Variants in RGS9 observed in about 807,000 individuals in gnomAD.
RGS9 encodes the protein regulator of G protein signaling 9.
RGS9 carries 78 observed loss-of-function variants against 102.0 expected under a neutral mutation model. That is an observed-to-expected ratio of 0.76 (90% CI 0.64 to 0.92). The LOEUF is 0.92. RGS9 is among the 40% of genes least tolerant of loss of function. The pLI, the probability that RGS9 is intolerant of heterozygous loss-of-function variation, is 0.00. For missense variants in RGS9, 833 were observed against 866.1 expected (o/e 0.96, Z 0.48); for synonymous variants, 353 against 318.6 (o/e 1.11, Z -1.15).
rs779028698 is a variant in RGS9 at position 65,225,448 on chromosome 17, C to A, written c.1854C>A (p.Gly618=). The A allele has an allele frequency of 1.9e-6, 3 of 1,606,160 alleles. No homozygotes were observed. The Admixed American group carries it at 5.0e-5, about 27-fold the overall frequency. The change falls in exon 18 of 19, where the codon GGC becomes GGA. Residue 618 remains glycine, a synonymous_variant. Transcript: ENST00000262406. The stretch of plus-strand genomic sequence containing the variant: ...GGGTGCAGCCCCTGGGGGACGTGGG[C>A]CAGCAGCTGCCACGATTGAAATCCA... The part of the protein sequence containing the change: ...HGRVQPLGDV[G]QQLPRLKSKR...
At chr17:65,169,932 C>T (rs1286562153) in intron 8 of RGS9, among the ~76,000 whole-genome samples, 1 of 152,084 alleles carries the variant, frequency 6.6e-6, no homozygotes, top group Non-Finnish European at 1.5e-5. Flanking sequence ...ACTTTCTCCA[C>T]CACCTCCACC....
chr17:65,197,424 A>G (rs1210649781), intron 13 of RGS9, among the ~76,000 whole-genome samples, 183 bp downstream of exon 13: 1 of 152,062 alleles, frequency 6.6e-6, no homozygotes, highest in Non-Finnish European at 1.5e-5. Context: ...CGTTCTTTCC[A>G]TAGACTCAAA....
chr17:65,175,105 CA>C (rs1598586590), intron 8 of RGS9, among the ~76,000 whole-genome samples: 1 of 147,150 alleles, frequency 6.8e-6, no homozygotes, highest in African/African-American at 2.6e-5. Context: ...GTGTGTGTGT[CA>C]GGACATGTGT....
rs1034130225 is a variant in RGS9, at chr17:65,137,435, C to G, written c.-106C>G. On this transcript the variant is annotated 5_prime_UTR_variant, in exon 1 of 19. Coordinates refer to ENST00000262406, the MANE Select transcript of RGS9 (RefSeq NM_003835.4). ...CGCCCTCCCCGCCCAGCCGCCTCCC[C>G]GTCGACGCCCAGGGCTGGGGCGAGC... 10 of 1,167,038 alleles carry G rather than the reference C, an allele frequency of 8.6e-6. No individual in the cohort carries two copies. In the Admixed American group the frequency reaches 1.0e-4, roughly 12 times the overall value. 72.3% of individuals were successfully genotyped at this position (1,167,038 alleles called of 1,614,324 possible). A position where few individuals can be genotyped will look rare whatever the true frequency, so the allele number is the denominator to read the frequency against.
intron 15 of RGS9, 101 bp downstream of exon 15, chr17:65,204,402 GA>G (rs1445002335): frequency 3.5e-6 from 5 of 1,411,600 alleles, no homozygotes; most frequent in Non-Finnish European, 4.9e-6. Flanking sequence ...AGGATACGTG[GA>G]TAGAGCTTTG....
intron 15 of RGS9, among the ~76,000 whole-genome samples, chr17:65,207,130 T>C (rs1040613180): frequency 1.3e-5 from 2 of 152,156 alleles, no homozygotes; most frequent in Admixed American, 1.3e-4. Flanking sequence ...GCGTTGGTTG[T>C]TTTTGTTTTT....
chr17:65,149,285 C>G (rs745783789), intron 1 of RGS9, among the ~76,000 whole-genome samples: 62 of 152,148 alleles, frequency 4.1e-4, no homozygotes, highest in Non-Finnish European at 6.3e-4. Context: ...GATGCTATTG[C>G]AAGTTCTATT....
chr17:65,160,277 T>C lies in RGS9; in HGVS notation c.250T>C (p.Tyr84His), dbSNP rs750192414. The change falls in exon 4 of 19, where the codon TAC (tyrosine) becomes CAC (histidine). Residue 84 changes from tyrosine (Y) to histidine (H), a missense_variant. Tyr to His is a moderately conservative substitution (Grantham distance 83). This residue lies in a region of RGS9 where 328 missense variants were observed against 340.6 expected (regional missense o/e 0.96). Transcript: ENST00000262406. ...GNFIVRYGYI[Y>H]PLQDPKNLIL... ...CTTTATTGTCAGGTATGGCTACATT[T>C]ACCCCCTGCAAGACCCCAAGAATCT... The C allele has an allele frequency of 1.2e-6, 2 of 1,614,108 alleles. No homozygotes were observed. Among genetic ancestry groups the C allele is most frequent in the East Asian group, 4.5e-5 (2 of 44,900 alleles).
rs559643320 is a variant in RGS9, at chr17:65,189,614, C to T, written c.684+299C>T. On this transcript the variant is annotated intron_variant, in intron 10 of 18. Coordinates refer to ENST00000262406, the MANE Select transcript of RGS9 (RefSeq NM_003835.4). ...GGCTGCAGAGACTCTACATCCCCAA[C>T]GTGGCCCCTGCACCTATCATTACAG... is the stretch of plus-strand genomic sequence containing the variant. 2.6e-5 allele frequency among the ~76,000 whole-genome samples: 4 copies of T among 152,274 alleles called. No homozygotes were observed. The East Asian group carries it at 5.8e-4, about 22-fold the overall frequency.
intron 8 of RGS9, among the ~76,000 whole-genome samples, chr17:65,170,048 C>CT (rs993959757): frequency 0.051 from 6,250 of 122,086 alleles, 343 homozygotes; most frequent in African/African-American, 0.09. Flanking sequence ...CTTCTGCATT[C>CT]TTTTTTTTTT....
chr17:65,137,688 C>A, intron 1 of RGS9, 91 bp downstream of exon 1: 1 of 1,193,426 alleles, frequency 8.4e-7, no homozygotes. Flanking sequence ...GAGTGGAGAG[C>A]ACCCCTTTGG....
At chr17:65,176,394 A>T (rs915869805) in intron 8 of RGS9, among the ~76,000 whole-genome samples, 1 of 152,188 alleles carries the variant, frequency 6.6e-6, no homozygotes, top group Non-Finnish European at 1.5e-5. Flanking sequence ...CCTGCCACGT[A>T]GGAGGATTCT....
chr17:65,204,424 C>T (rs1466167649), intron 15 of RGS9, 123 bp downstream of exon 15: 10 of 1,216,838 alleles, frequency 8.2e-6, no homozygotes, highest in Non-Finnish European at 1.2e-5. Context: ...CCGGTTGTGG[C>T]ATGCAGCTAA....
At chr17:65,176,594 A>G (rs1033981532) in intron 8 of RGS9, among the ~76,000 whole-genome samples, 2 of 152,206 alleles carry the variant, frequency 1.3e-5, no homozygotes, top group Admixed American at 1.3e-4. Context: ...GAGTGTGGGG[A>G]AGGAGCACTG....
rs1296218762 is a variant in RGS9 at position 65,173,841 on chromosome 17, TG to T, written c.583-3889del. ...TTACACTACCTGATGAATGAAGAAA[TG>T]GATGAATGAAAGGAGCTTGGGAGTC... On this transcript the variant is annotated intron_variant, in intron 8 of 18. Transcript: ENST00000262406. The surrounding 1 kb of genome is among the most constrained non-coding windows in gnomAD (Gnocchi z 4.8). 6.6e-6 allele frequency among the ~76,000 whole-genome samples: 1 copy of T among 152,006 alleles called. No individual in the cohort carries two copies. The highest frequency in any genetic ancestry group is 2.4e-5 in the African/African-American group (1 of 41,358).
At chr17:65,153,846 C>T (rs565651963) in intron 2 of RGS9, among the ~76,000 whole-genome samples, 9 of 152,170 alleles carry the variant, frequency 5.9e-5, no homozygotes, top group South Asian at 2.1e-4. Flanking sequence ...GCAGAGATTG[C>T]GCCATTGCAC....
chr17:65,142,725 G>A (rs1419162413), intron 1 of RGS9, among the ~76,000 whole-genome samples: 1 of 151,922 alleles, frequency 6.6e-6, no homozygotes, highest in African/African-American at 2.4e-5. Flanking sequence ...TGGGGATACT[G>A]GGACCTGCTA....
At chr17:65,143,936 GA>G (rs35132424) in intron 1 of RGS9, among the ~76,000 whole-genome samples, 292 of 138,154 alleles carry the variant, frequency 2.1e-3, no homozygotes, top group East Asian at 0.014. Flanking sequence ...ACTCCAGCCT[GA>G]AAAAAAAAAA....
intron 13 of RGS9, among the ~76,000 whole-genome samples, chr17:65,199,651 GC>G (rs940148676): frequency 2.8e-4 from 42 of 151,886 alleles, no homozygotes; most frequent in African/African-American, 9.9e-4. Context: ...CCGCCACCAT[GC>G]CCAGCTAATT....
Sources: gnomAD v4.1 joint callset for allele counts (sites outside exome capture counted in the v4.1 genomes callset) on GRCh38, gnomAD v4.1.1 for gene constraint, gnomAD v4.1.1 regional missense constraint, Gnocchi (gnomAD v3.1) non-coding constraint, MANE v1.5 for transcripts, NCBI Gene and HGNC (gene_info 2026-07-23, HGNC 2026-07-21) for gene names.